The following MOGAT1 variants were observed in gnomAD, a reference collection of about 807,000 sequenced individuals.
MOGAT1 encodes the protein 2-acylglycerol O-acyltransferase 1.
A neutral mutation model predicts 31.4 loss-of-function variants in MOGAT1; 32 were observed. The observed-to-expected ratio is 1.02, with a 90% CI of 0.77 to 1.37. The LOEUF is 1.37. Among genes scored for constraint, MOGAT1 ranks in the 40% most tolerant of loss-of-function variants. The probability of loss-of-function intolerance (pLI) is 0.00; values close to 1 mark genes in which losing one functional copy is unlikely to be tolerated. For missense variants in MOGAT1, 426 were observed against 402.0 expected (o/e 1.06, Z -0.51); for synonymous variants, 145 against 144.5 (o/e 1.00, Z -0.03).
chr2:222,696,612 TTTG>T (rs1466916165), intron 5 of MOGAT1, among the ~76,000 whole-genome samples: 1 of 152,178 alleles, frequency 6.6e-6, no homozygotes, highest in Non-Finnish European at 1.5e-5. Flanking sequence ...GATGGGATTG[TTTG>T]TTTTGTTCTT....
At chr2:222,700,510 A>G (rs1207509473) in intron 5 of MOGAT1, among the ~76,000 whole-genome samples, 2 of 152,242 alleles carry the variant, frequency 1.3e-5, no homozygotes, top group South Asian at 2.1e-4. Flanking sequence ...ATCATCCTCA[A>G]TATCCCGTTG....
chr2:222,692,425 T>C (rs949603636), intron 3 of MOGAT1, among the ~76,000 whole-genome samples: 1 of 152,178 alleles, frequency 6.6e-6, no homozygotes, highest in Non-Finnish European at 1.5e-5. Context: ...GTCAATGTGG[T>C]GGCTAAGAAA....
chr2:222,691,180 TTTTA>T (rs1290820423), intron 3 of MOGAT1, among the ~76,000 whole-genome samples: 1 of 151,632 alleles, frequency 6.6e-6, no homozygotes, highest in African/African-American at 2.4e-5. Context: ...CCTGGTTTCT[TTTTA>T]TTTATTTATT....
chr2:222,687,566 T>C (rs912872276), intron 1 of MOGAT1, among the ~76,000 whole-genome samples: 1 of 152,236 alleles, frequency 6.6e-6, no homozygotes, highest in Non-Finnish European at 1.5e-5. Flanking sequence ...ACCATTCTTG[T>C]CACTACAACC....
chr2:222,671,722 A>C lies in MOGAT1; in HGVS notation c.-64A>C. On this transcript the variant is annotated 5_prime_UTR_variant, in exon 1 of 6. Transcript: ENST00000446656. ...CCGGATCCGGCCGGGCACTTCCCAC[A>C]GGCGCCGCAGAGCAGCGTGGGTGCA... The C allele has an allele frequency of 7.2e-7, 1 of 1,393,144 alleles. No homozygotes were observed. The highest frequency in any genetic ancestry group is 1.2e-5 in the South Asian group (1 of 80,028). 86.3% of individuals were successfully genotyped at this position (1,393,144 alleles called of 1,614,324 possible).
At chr2:222,687,135 AAAAAGAAAGAACAAGAAAG>A (rs1692684873) in intron 1 of MOGAT1, among the ~76,000 whole-genome samples, 1 of 68,554 alleles carries the variant, frequency 1.5e-5, no homozygotes, top group African/African-American at 1.0e-4. Context: ...AAAAAAAAAA[AAAAAGAAAGAACAAGAAAG>A]AAAGAAAAAA....
chr2:222,695,891 T>G (rs922175002), intron 5 of MOGAT1, among the ~76,000 whole-genome samples: 10 of 152,134 alleles, frequency 6.6e-5, no homozygotes, highest in African/African-American at 2.4e-4. Context: ...CCACCCAATA[T>G]GTAGTCTTTT....
chr2:222,694,361 G>A lies in MOGAT1; in HGVS notation c.479-1G>A, dbSNP rs767492527. 3.5e-5 allele frequency: 56 copies of A among 1,604,488 alleles called. No individual in the cohort carries two copies. In the South Asian group the frequency reaches 5.7e-4, roughly 16 times the overall value. On this transcript the variant is annotated splice_acceptor_variant, in intron 3 of 5. Transcript: ENST00000446656. LOFTEE classifies it high-confidence loss of function. Reference sequence around the variant, plus strand: ...AGTTACTTTTTGTTTTATTCACTAAGGGCTGGTTTCAGTTTCCAAGAAAAG... The same window carrying A: ...AGTTACTTTTTGTTTTATTCACTAAAGGCTGGTTTCAGTTTCCAAGAAAAG...
intron 1 of MOGAT1, among the ~76,000 whole-genome samples, chr2:222,682,991 C>T (rs754412885): frequency 2.6e-5 from 4 of 151,966 alleles, no homozygotes; most frequent in East Asian, 1.9e-4. Context: ...ATCGGTGGAG[C>T]GCAGGAGTTT....
intron 1 of MOGAT1, among the ~76,000 whole-genome samples, chr2:222,672,816 C>A: frequency 6.6e-6 from 1 of 151,696 alleles, no homozygotes; most frequent in African/African-American, 2.4e-5. Flanking sequence ...TGGTTCTCAA[C>A]CCTGGCTCTA....
intron 3 of MOGAT1, among the ~76,000 whole-genome samples, chr2:222,691,474 G>A (rs1177198012): frequency 5.9e-5 from 9 of 152,174 alleles, no homozygotes; most frequent in African/African-American, 1.9e-4. Context: ...CTCCCAAAGC[G>A]CTGGGATTAC....
chr2:222,702,742 A>G (rs1692944914), intron 5 of MOGAT1, among the ~76,000 whole-genome samples: 1 of 151,998 alleles, frequency 6.6e-6, no homozygotes, highest in African/African-American at 2.4e-5. Flanking sequence ...ATGGGAAAAA[A>G]GCAGACTGAA....
At chr2:222,679,359 G>A (rs2106032056) in intron 1 of MOGAT1, among the ~76,000 whole-genome samples, 2 of 152,190 alleles carry the variant, frequency 1.3e-5, no homozygotes, top group African/African-American at 4.8e-5. Flanking sequence ...GTTTTTCACA[G>A]GTGTTTTGAT....
At chr2:222,699,584 C>T (rs183342426) in intron 5 of MOGAT1, 1 of 146,800 alleles carries the variant, frequency 6.8e-6, no homozygotes, top group African/African-American at 2.6e-5. Context: ...GCAAGCTCTG[C>T]CTCCTGGATT....
intron 3 of MOGAT1, among the ~76,000 whole-genome samples, chr2:222,693,500 C>T (rs1326320649): frequency 7.0e-6 from 1 of 143,312 alleles, no homozygotes; most frequent in African/African-American, 2.6e-5. Flanking sequence ...TTTCACACTG[C>T]TGATAAAGAC....
chr2:222,695,484 T>A (rs1692825582), intron 5 of MOGAT1, among the ~76,000 whole-genome samples, 196 bp downstream of exon 5: 2 of 152,242 alleles, frequency 1.3e-5, no homozygotes, highest in South Asian at 4.1e-4. Context: ...GAATAGGAAT[T>A]GATTACTTTC....
intron 1 of MOGAT1, among the ~76,000 whole-genome samples, chr2:222,687,237 G>A (rs982972347): frequency 1.3e-5 from 2 of 151,398 alleles, no homozygotes; most frequent in Admixed American, 6.6e-5. Flanking sequence ...CAGATTAAAC[G>A]CTATTTCTCA....
intron 3 of MOGAT1, among the ~76,000 whole-genome samples, chr2:222,692,552 C>A (rs1366047325): frequency 6.6e-6 from 1 of 152,084 alleles, no homozygotes; most frequent in South Asian, 2.1e-4. Context: ...TTAATGCATT[C>A]GGTTTGGAGA....
rs764148353 is a variant in MOGAT1, at chr2:222,689,330, A to G, written c.339A>G (p.Ile113Met). ...TATTTGGGTTTCACCCCCATGGAATAATGGCAGTTGGAGCCTTTGGGAATT... is the reference window on the plus strand; with the variant it reads ...TATTTGGGTTTCACCCCCATGGAATGATGGCAGTTGGAGCCTTTGGGAATT... ...NYIFGFHPHG[I>M]MAVGAFGNFS... Residue 113 changes from isoleucine to methionine, a missense_variant, in exon 3 of 6, where the codon ATA becomes ATG. Coordinates refer to ENST00000446656, the MANE Select transcript of MOGAT1 (RefSeq NM_058165.3). 1.2e-6 allele frequency: 2 copies of G among 1,614,066 alleles called. No individual in the cohort carries two copies. The highest frequency in any genetic ancestry group is 1.7e-6 in the Non-Finnish European group (2 of 1,179,890).
Sources: gnomAD v4.1 joint callset for allele counts (sites outside exome capture counted in the v4.1 genomes callset) on GRCh38, gnomAD v4.1.1 for gene constraint, MANE v1.5 for transcripts, NCBI Gene and HGNC (gene_info 2026-07-23, HGNC 2026-07-21) for gene names.